The following ETFA variants were observed in gnomAD, a reference collection of about 807,000 sequenced individuals.
ETFA encodes the protein electron transfer flavoprotein subunit alpha, mitochondrial.
Under a neutral mutation model 46.2 loss-of-function variants are expected in ETFA, and 22 were observed. The observed-to-expected ratio is 0.48, with a 90% CI of 0.34 to 0.68. The LOEUF (loss-of-function observed/expected upper bound fraction) is 0.68, where lower values mean the gene tolerates loss of function less well. Ranked by LOEUF, ETFA falls within the 30% of genes least tolerant of loss-of-function variation. The pLI is 0.01. For missense variants in ETFA, 345 were observed against 401.1 expected (o/e 0.86, Z 1.19); for synonymous variants, 131 against 139.9 (o/e 0.94, Z 0.45).
At chr15:76,269,897 C>T (rs2039510851) in intron 9 of ETFA, among the ~76,000 whole-genome samples, 1 of 152,050 alleles carries the variant, frequency 6.6e-6, no homozygotes, top group African/African-American at 2.4e-5. Flanking sequence ...GTCTACAACT[C>T]AATAATGAAA....
chr15:76,241,676 C>T (rs926700162), intron 9 of ETFA, among the ~76,000 whole-genome samples: 4 of 149,956 alleles, frequency 2.7e-5, no homozygotes, highest in Admixed American at 2.0e-4. Context: ...GGGCGGGCCC[C>T]TGTAAGTCCC....
intron 10 of ETFA, 118 bp downstream of exon 10, chr15:76,231,215 A>C (rs1205250287): frequency 1.3e-6 from 1 of 759,394 alleles, no homozygotes; most frequent in African/African-American, 1.7e-5. Flanking sequence ...CAGTTCCCAG[A>C]TCTACGTTAG....
At chr15:76,288,990 G>T (rs2039730548) in intron 4 of ETFA, among the ~76,000 whole-genome samples, 1 of 145,794 alleles carries the variant, frequency 6.9e-6, no homozygotes, top group African/African-American at 2.5e-5. Context: ...TGTGATCATA[G>T]CTCACTGTAA....
At chr15:76,294,259 C>T (rs2039796457) in intron 2 of ETFA, among the ~76,000 whole-genome samples, 1 of 152,142 alleles carries the variant, frequency 6.6e-6, no homozygotes, top group Admixed American at 6.5e-5. Context: ...AACAACAAAT[C>T]ACAAATTCCT....
chr15:76,233,153 G>A (rs2039086489), intron 9 of ETFA, among the ~76,000 whole-genome samples: 1 of 152,084 alleles, frequency 6.6e-6, no homozygotes, highest in African/African-American at 2.4e-5. Flanking sequence ...AAAAGCAATT[G>A]CATGCTCTGT....
chr15:76,288,089 A>T (rs2039719325), intron 4 of ETFA, 144 bp from the exon 5 acceptor site: 1 of 650,238 alleles, frequency 1.5e-6, no homozygotes, highest in African/African-American at 1.8e-5. Context: ...TTGGATACAC[A>T]ACTTCAAGCA....
At chr15:76,289,971 G>T (rs892808998) in intron 4 of ETFA, among the ~76,000 whole-genome samples, 2 of 152,166 alleles carry the variant, frequency 1.3e-5, no homozygotes, top group Non-Finnish European at 2.9e-5. Context: ...CAAGGCTCAT[G>T]AAATTATTTA....
In ETFA at chr15:76,216,114, A is replaced by G. The variant is rs774654894; in HGVS notation, c.*445T>C. The G allele has an allele frequency of 3.6e-5, 6 of 164,896 alleles. No individual in the cohort carries two copies. The highest frequency in any genetic ancestry group is 6.2e-5 in the Admixed American group (1 of 16,176). 10.2% of individuals were successfully genotyped at this position (164,896 alleles called of 1,614,324 possible). On this transcript the variant is annotated 3_prime_UTR_variant, in exon 12 of 12. Transcript: ENST00000557943. The stretch of plus-strand genomic sequence containing the variant: ...CTTGCCAATTCAGTTACCTTCTCCT[A>G]TGAAGTTTGCCCTTCAACAATGAGA...
intron 9 of ETFA, among the ~76,000 whole-genome samples, chr15:76,264,261 G>T (rs984897346): frequency 1.3e-5 from 2 of 152,200 alleles, no homozygotes; most frequent in African/African-American, 2.4e-5. Context: ...TTCTCACTCC[G>T]TCCCAGTACT....
intron 8 of ETFA, among the ~76,000 whole-genome samples, chr15:76,280,757 A>T (rs557477740): frequency 1.3e-5 from 2 of 151,936 alleles, no homozygotes; most frequent in Non-Finnish European, 2.9e-5. Flanking sequence ...TGCACTTTCC[A>T]TTCCAACACT....
intron 9 of ETFA, among the ~76,000 whole-genome samples, chr15:76,268,553 G>A (rs909786521): frequency 4.6e-5 from 7 of 152,170 alleles, no homozygotes; most frequent in Admixed American, 3.9e-4. Context: ...ATGCTTAATG[G>A]ACCAATGTTT....
Position 76,303,899 on chromosome 15 carries a change from G to C in ETFA, c.39+7451C>G, listed in dbSNP as rs148624303. 2.1e-3 allele frequency among the ~76,000 whole-genome samples: 323 copies of C among 152,316 alleles called. 2 individuals are homozygous for C. The highest frequency in any genetic ancestry group is 7.2e-3 in the African/African-American group (299 of 41,566). On this transcript the variant is annotated intron_variant, in intron 1 of 11. Transcript: ENST00000557943. ...GAAAGCAATGTGGCGATTTCTCAAAGAACTTAGAACATTCGACCCAGCAAT... is the reference window on the plus strand; with the variant it reads ...GAAAGCAATGTGGCGATTTCTCAAACAACTTAGAACATTCGACCCAGCAAT...
At chr15:76,308,967 CA>C (rs2141560794) in intron 1 of ETFA, among the ~76,000 whole-genome samples, 1 of 152,298 alleles carries the variant, frequency 6.6e-6, no homozygotes, top group South Asian at 2.1e-4. Flanking sequence ...CTGGGAAAAC[CA>C]GGGGAAGGGT....
chr15:76,240,143 G>A (rs2039170418), intron 9 of ETFA, among the ~76,000 whole-genome samples: 1 of 152,206 alleles, frequency 6.6e-6, no homozygotes. Context: ...GGCTTTCAGT[G>A]AAGTCAATAT....
chr15:76,286,850 G>A (rs1276928846), intron 5 of ETFA, among the ~76,000 whole-genome samples: 1 of 152,188 alleles, frequency 6.6e-6, no homozygotes, highest in Non-Finnish European at 1.5e-5. Flanking sequence ...TAGGAAGAAT[G>A]TAGCTACTGT....
chr15:76,268,189 C>CA (rs57096514), intron 9 of ETFA, among the ~76,000 whole-genome samples: 1,793 of 107,024 alleles, frequency 0.017, 57 homozygotes, highest in Admixed American at 0.051. Context: ...CCAGCTACAG[C>CA]AAAAAAAAAA....
intron 9 of ETFA, among the ~76,000 whole-genome samples, chr15:76,257,872 C>T (rs2039361035): frequency 1.3e-5 from 2 of 151,586 alleles, no homozygotes; most frequent in Admixed American, 6.6e-5. Flanking sequence ...TTTGTAGGGA[C>T]ATGGATGAAA....
In ETFA at chr15:76,283,823, G is replaced by A. The variant is rs769976586; in HGVS notation, c.667C>T (p.Arg223Ter). 3.5e-5 allele frequency: 57 copies of A among 1,606,390 alleles called. No individual in the cohort carries two copies. Among genetic ancestry groups the A allele is most frequent in the Non-Finnish European group, 4.7e-5 (55 of 1,175,146 alleles). ...AAGTTCTCTCCACTCTTCAAGCCTC[G>A]ACCTCATTTAAAAAGATGAAAAAAA... ...TGAKVVVSGG[R>*]GLKSGENFKL... is the part of the protein sequence containing the mutation. The change falls in exon 8 of 12, where the codon CGA becomes TGA. Residue 223 changes from arginine to a stop codon, truncating the protein, a stop_gained and splice_region_variant. Transcript: ENST00000557943. LOFTEE classifies it high-confidence loss of function.
At chr15:76,249,420 G>C (rs1409488267) in intron 9 of ETFA, among the ~76,000 whole-genome samples, 1 of 139,074 alleles carries the variant, frequency 7.2e-6, no homozygotes, top group Non-Finnish European at 1.5e-5. Flanking sequence ...GAACCACCAC[G>C]CCCAGTCCAT....
Sources: allele counts gnomAD v4.1 joint callset (sites outside exome capture counted in the v4.1 genomes callset), GRCh38; gene constraint gnomAD v4.1.1; transcripts MANE v1.5; gene names NCBI Gene and HGNC (gene_info 2026-07-23, HGNC 2026-07-21).